The following HSPA4 variants were observed in gnomAD, a reference collection of about 807,000 sequenced individuals.
The protein encoded by HSPA4 is heat shock protein family A (Hsp70) member 4, also known as heat shock 70 kDa protein 4.
A neutral mutation model predicts 106.2 loss-of-function variants in HSPA4; 25 were observed. The observed-to-expected ratio is 0.24, with a 90% CI of 0.17 to 0.33. The LOEUF (loss-of-function observed/expected upper bound fraction) is 0.33, where lower values mean the gene tolerates loss of function less well. HSPA4 is among the 10% of genes least tolerant of loss of function. HSPA4 has a pLI of 1.00. For missense variants in HSPA4, 841 were observed against 996.0 expected (o/e 0.84, Z 2.10); for synonymous variants, 332 against 333.6 (o/e 1.00, Z 0.05).
At chr5:133,099,914 A>G (rs1195912000) in intron 16 of HSPA4, among the ~76,000 whole-genome samples, 1 of 152,246 alleles carries the variant, frequency 6.6e-6, no homozygotes, top group Non-Finnish European at 1.5e-5. Flanking sequence ...GTCAAGAGAT[A>G]AAATGACTGC....
At position 133,083,901 on chromosome 5, in the gene HSPA4, A is replaced by G. The variant is rs552358581; in HGVS notation, c.909-2881A>G. 6.6e-5 allele frequency among the ~76,000 whole-genome samples: 10 copies of G among 152,246 alleles called. No individual in the cohort carries two copies. In the East Asian group the frequency reaches 1.9e-3, roughly 29 times the overall value. ...ATCTGTATACTTCTTGCAGAAACTT[A>G]AATTGCGGACATCTATAAATGTAGA... On this transcript the variant is annotated intron_variant, in intron 7 of 18. Transcript: ENST00000304858.
chr5:133,064,089 C>T (rs1297689538), intron 1 of HSPA4, among the ~76,000 whole-genome samples: 1 of 152,224 alleles, frequency 6.6e-6, no homozygotes, highest in Non-Finnish European at 1.5e-5. Context: ...TTTATTTAAC[C>T]TTCAAGCAGG....
rs765985570 is a variant in HSPA4 at position 133,064,987 on chromosome 5, A to G, written c.115A>G (p.Ile39Val). Residue 39 changes from isoleucine to valine, a missense_variant, in exon 2 of 19, where the codon ATT becomes GTT. Coordinates refer to ENST00000304858, the MANE Select transcript of HSPA4 (RefSeq NM_002154.4). ...EYSDRCTPAC[I>V]SFGPKNRSIG... Reference sequence around the variant, plus strand: ...GCTTTTTTTGTCTTCTAGGGCTTGCATTTCTTTTGGTCCTAAGAATCGTTC... The same window carrying G: ...GCTTTTTTTGTCTTCTAGGGCTTGCGTTTCTTTTGGTCCTAAGAATCGTTC... The G allele has an allele frequency of 1.1e-5, 17 of 1,613,842 alleles. No homozygotes were observed. The highest frequency in any genetic ancestry group is 1.4e-5 in the Non-Finnish European group (16 of 1,179,854).
intron 1 of HSPA4, among the ~76,000 whole-genome samples, chr5:133,054,820 C>T (rs1765138550): frequency 6.6e-6 from 1 of 152,010 alleles, no homozygotes; most frequent in Non-Finnish European, 1.5e-5. Context: ...AAAATGTCTC[C>T]CCTAAGGAAC....
At chr5:133,080,812 C>T (rs1765505279) in intron 7 of HSPA4, among the ~76,000 whole-genome samples, 2 of 151,992 alleles carry the variant, frequency 1.3e-5, no homozygotes, top group South Asian at 4.1e-4. Flanking sequence ...CTAGGTCTTT[C>T]TAATTCTGAT....
chr5:133,098,763 C>G (rs1488420126), intron 15 of HSPA4, among the ~76,000 whole-genome samples: 1 of 152,118 alleles, frequency 6.6e-6, no homozygotes, highest in Non-Finnish European at 1.5e-5. Context: ...ACCTCCACCT[C>G]CCTGGTTCAA....
intron 13 of HSPA4, among the ~76,000 whole-genome samples, chr5:133,094,711 A>G (rs1162836913): frequency 6.6e-6 from 1 of 152,220 alleles, no homozygotes; most frequent in South Asian, 2.1e-4. Flanking sequence ...ATGGCTCAGA[A>G]ACTAAAGTGC....
intron 2 of HSPA4, among the ~76,000 whole-genome samples, chr5:133,065,626 T>C (rs188919468): frequency 1.2e-4 from 18 of 152,318 alleles, no homozygotes; most frequent in African/African-American, 3.9e-4. Context: ...TTCCTTGATA[T>C]TTTACATGCT....
intron 1 of HSPA4, 40 bp downstream of exon 1, chr5:133,052,397 G>A (rs769965060): frequency 2.3e-6 from 3 of 1,290,684 alleles, no homozygotes; most frequent in Non-Finnish European, 3.2e-6. Flanking sequence ...CTGGGGTTAG[G>A]AGATAATGCT....
Position 133,052,291 on chromosome 5 carries a change from A to C in HSPA4, c.41A>C (p.Tyr14Ser). 6.3e-7 allele frequency: 1 copy of C among 1,597,520 alleles called. No individual in the cohort carries two copies. Among genetic ancestry groups the C allele is most frequent in the Non-Finnish European group, 8.5e-7 (1 of 1,174,632 alleles). ...ATAGACCTGGGCTTCCAGAGCTGCT[A>C]CGTCGCTGTGGCCCGCGCCGGCGGC... ...VGIDLGFQSC[Y>S]VAVARAGGIE... is the part of the protein sequence containing the mutation. Residue 14 changes from tyrosine (Y) to serine (S), a missense_variant, in exon 1 of 19, where the codon TAC becomes TCC. Physicochemically the swap from Tyr to Ser is moderately radical, Grantham distance 144. Coordinates refer to ENST00000304858, the MANE Select transcript of HSPA4 (RefSeq NM_002154.4).
At chr5:133,098,468 C>T (rs1021804080) in intron 15 of HSPA4, among the ~76,000 whole-genome samples, 7 of 146,974 alleles carry the variant, frequency 4.8e-5, no homozygotes, top group South Asian at 2.2e-4. Flanking sequence ...CCTGCTACCA[C>T]GCCTGGCTAA....
intron 3 of HSPA4, among the ~76,000 whole-genome samples, chr5:133,069,663 C>A (rs1171647017): frequency 2.0e-5 from 3 of 152,140 alleles, no homozygotes; most frequent in Non-Finnish European, 4.4e-5. Flanking sequence ...TAGATTGAAT[C>A]CTAATTGTGG....
intron 7 of HSPA4, among the ~76,000 whole-genome samples, chr5:133,085,089 C>T (rs1395100349): frequency 6.6e-6 from 1 of 152,128 alleles, no homozygotes; most frequent in African/African-American, 2.4e-5. Flanking sequence ...TGAGCCACTG[C>T]ACCCAACTAG....
intron 3 of HSPA4, among the ~76,000 whole-genome samples, chr5:133,068,816 G>A (rs1252771766): frequency 1.3e-5 from 2 of 152,178 alleles, no homozygotes; most frequent in African/African-American, 2.4e-5. Flanking sequence ...AGCATTGCAA[G>A]AAGCAAAGGA....
chr5:133,074,957 G>A (rs976654173), intron 6 of HSPA4, among the ~76,000 whole-genome samples: 1 of 152,280 alleles, frequency 6.6e-6, no homozygotes, highest in African/African-American at 2.4e-5. Context: ...TATTAAAATT[G>A]TTGGTGCCAA....
intron 1 of HSPA4, among the ~76,000 whole-genome samples, chr5:133,060,948 T>G (rs550110919): frequency 6.6e-6 from 1 of 151,362 alleles, no homozygotes; most frequent in East Asian, 2.0e-4. Flanking sequence ...TTTTAAATAA[T>G]TTAAATTTAA....
intron 1 of HSPA4, among the ~76,000 whole-genome samples, chr5:133,053,906 C>T (rs558282393): frequency 4.0e-5 from 6 of 151,830 alleles, no homozygotes; most frequent in African/African-American, 9.7e-5. Context: ...GTGATCCTCC[C>T]GCCTCGGCCT....
chr5:133,060,508 G>A (rs570847877), intron 1 of HSPA4, among the ~76,000 whole-genome samples: 4 of 152,132 alleles, frequency 2.6e-5, no homozygotes, highest in African/African-American at 7.2e-5. Flanking sequence ...GATTACAGGC[G>A]CGTGCCACCA....
In HSPA4 at chr5:133,092,721, G is replaced by A; in HGVS notation, c.1582G>A (p.Glu528Lys). 6.2e-7 allele frequency: 1 copy of A among 1,611,874 alleles called. No homozygotes were observed. Among genetic ancestry groups the A allele is most frequent in the Non-Finnish European group, 8.5e-7 (1 of 1,178,960 alleles). ...EEEKMQVDQE[E>K]PHVEEQQQQT... ...TCAGAAGATGCAAGTGGACCAGGAG[G>A]AACCACATGTTGAAGAGCAACAGCA... The change falls in exon 13 of 19, where the codon GAA (glutamate) becomes AAA (lysine). Residue 528 changes from glutamate (E) to lysine (K), a missense_variant. Around this residue, in one of 5 missense-constraint regions of HSPA4, gnomAD observed 328 missense variants for 372.2 expected, o/e 0.88. Transcript: ENST00000304858.
Sources: allele counts gnomAD v4.1 joint callset (sites outside exome capture counted in the v4.1 genomes callset), GRCh38; gene constraint gnomAD v4.1.1; regional missense constraint gnomAD v4.1.1; transcripts MANE v1.5; gene names NCBI Gene and HGNC (gene_info 2026-07-23, HGNC 2026-07-21).